Variants in CAST observed in about 807,000 individuals in gnomAD.
CAST encodes MIR583 host.
Under a neutral mutation model 119.6 loss-of-function variants are expected in CAST, and 76 were observed. The observed-to-expected ratio is 0.64, with a 90% confidence interval of 0.53 to 0.77. CAST has a LOEUF of 0.77. CAST is among the 30% of genes least tolerant of loss of function. The pLI is 0.00. For missense variants in CAST, 953 were observed against 946.5 expected, an observed-to-expected ratio of 1.01 and a Z score of -0.09; for synonymous variants, 319 against 331.6, an observed-to-expected ratio of 0.96 and a Z score of 0.41.
intron 19 of CAST, among the ~76,000 whole-genome samples, chr5:96,749,755 C>T (rs1422925193): frequency 6.6e-6 from 1 of 152,166 alleles, no homozygotes; most frequent in Non-Finnish European, 1.5e-5. Context: ...CCATGTTGCC[C>T]AGGCTGATTC....
At chr5:96,563,380 C>T in intron 1 of CAST, among the ~76,000 whole-genome samples, 1 of 152,068 alleles carries the variant, frequency 6.6e-6, no homozygotes, top group South Asian at 2.1e-4. Context: ...TATTTTTCTT[C>T]CCCTACATAT....
chr5:96,529,278 G>A (rs1745648362), upstream of CAST, among the ~76,000 whole-genome samples: 2 of 152,048 alleles, frequency 1.3e-5, no homozygotes, highest in Admixed American at 1.3e-4. Context: ...CCTATAGACT[G>A]TTAGGAGTCA....
chr5:96,330,668 G>A, the CAST span, among the ~76,000 whole-genome samples: 12 of 152,306 alleles, frequency 7.9e-5, no homozygotes, highest in Middle Eastern at 3.4e-3. Flanking sequence ...AGTGTCACGA[G>A]GAATTTTCCC....
At chr5:96,691,967 G>C (rs765019339) in intron 2 of CAST, among the ~76,000 whole-genome samples, 1 of 152,120 alleles carries the variant, frequency 6.6e-6, no homozygotes, top group Non-Finnish European at 1.5e-5. Context: ...AAATTTTAAA[G>C]ACTCGAGTTC....
upstream of CAST, among the ~76,000 whole-genome samples, chr5:96,522,962 A>G (rs977227983): frequency 2.6e-5 from 4 of 152,172 alleles, no homozygotes; most frequent in Non-Finnish European, 5.9e-5. Context: ...ACATATTTCA[A>G]AGTAATAAGT....
At chr5:96,415,473 A>G in the CAST span, among the ~76,000 whole-genome samples, 2 of 152,200 alleles carry the variant, frequency 1.3e-5, no homozygotes, top group Admixed American at 6.5e-5. Context: ...ATTCTTGTAA[A>G]TCGTTTCTTT....
chr5:96,772,865 T>C lies in CAST; in HGVS notation c.*249T>C, dbSNP rs1004813983. ...TTTGAATTTTTTTAATTGCCTTCAA[T>C]TGGGAGAGAAAGCTTTATATTTGTA... On this transcript the variant is annotated 3_prime_UTR_variant, in exon 32 of 32. Transcript: ENST00000675179. 6.5e-6 allele frequency: 1 copy of C among 153,316 alleles called. No homozygotes were observed. Among genetic ancestry groups the C allele is most frequent in the African/African-American group, 2.4e-5 (1 of 41,436 alleles). 9.5% of individuals were successfully genotyped at this position (153,316 alleles called of 1,614,324 possible).
the CAST span, among the ~76,000 whole-genome samples, chr5:96,218,967 T>G: frequency 5.3e-5 from 8 of 152,150 alleles, no homozygotes; most frequent in African/African-American, 1.9e-4. Flanking sequence ...CTCAGTTTCT[T>G]CAGGTGAAAA....
the CAST span, among the ~76,000 whole-genome samples, chr5:96,189,516 C>T: frequency 1.3e-5 from 2 of 152,268 alleles, no homozygotes; most frequent in East Asian, 3.9e-4. Flanking sequence ...AGTTTGATAG[C>T]TTATGTCTTC....
the CAST span, among the ~76,000 whole-genome samples, chr5:96,291,874 G>GTGTGTGTA: frequency 6.6e-6 from 1 of 151,586 alleles, no homozygotes; most frequent in African/African-American, 2.4e-5. Flanking sequence ...GTGTGTGTGT[G>GTGTGTGTA]TGTGTGTGTG....
chr5:96,136,299 T>G, the CAST span, among the ~76,000 whole-genome samples: 1 of 152,230 alleles, frequency 6.6e-6, no homozygotes, highest in African/African-American at 2.4e-5. Flanking sequence ...AAGAAATTTT[T>G]TCAGTTCGCT....
In CAST at chr5:96,684,708, G is replaced by A. The variant is rs186869317; in HGVS notation, c.138+9107G>A. ...CTCCCAAGTAGCTGGGACTACAGGTGTATGCCACCACGCCCAAATAACTTT... is the reference window on the plus strand; with the variant it reads ...CTCCCAAGTAGCTGGGACTACAGGTATATGCCACCACGCCCAAATAACTTT... On this transcript the variant is annotated intron_variant, in intron 2 of 31. Transcript: ENST00000675179. Among the ~76,000 whole-genome samples the A allele has an allele frequency of 3.8e-3, 573 of 152,040 alleles. 11 individuals are homozygous for A. Among genetic ancestry groups the A allele is most frequent in the South Asian group, 0.034 (163 of 4,818 alleles).
chr5:95,961,788 C>G, the CAST span: 9 of 1,489,084 alleles, frequency 6.0e-6, no homozygotes, highest in Non-Finnish European at 8.0e-6. Context: ...GCCGCGGCTG[C>G]TTGGGCTTCT....
the CAST span, among the ~76,000 whole-genome samples, chr5:96,381,135 G>A: frequency 6.6e-6 from 1 of 151,966 alleles, no homozygotes; most frequent in Non-Finnish European, 1.5e-5. Flanking sequence ...TCAGAATCCA[G>A]CATTCTTCTA....
rs1286414216 is a variant in CAST, at chr5:96,724,999, G to T, written c.271-1795G>T. The stretch of plus-strand genomic sequence containing the variant: ...CCTGTGCCTCAGCTCAAGGACCAAT[G>T]TTTATTTCAAGCGTGGCCTGTTACC... On this transcript the variant is annotated intron_variant, in intron 4 of 31. Coordinates refer to ENST00000675179, the MANE Select transcript of CAST (RefSeq NM_001750.7). Among the ~76,000 whole-genome samples, 3 of 152,114 alleles carry T rather than the reference G, an allele frequency of 2.0e-5. No homozygotes were observed. The East Asian group carries it at 5.8e-4, about 29-fold the overall frequency.
the CAST span, chr5:96,421,993 TAA>T: frequency 0.067 from 23,285 of 345,444 alleles, 277 homozygotes; most frequent in African/African-American, 0.14. Flanking sequence ...GTGGCAGCAT[TAA>T]AAAAAAAAAA....
intron 2 of CAST, among the ~76,000 whole-genome samples, chr5:96,688,173 A>G (rs1234258329): frequency 6.6e-6 from 1 of 152,220 alleles, no homozygotes; most frequent in Non-Finnish European, 1.5e-5. Flanking sequence ...GAATGAGTAC[A>G]TGTTAGGATG....
chr5:96,644,586 T>G (rs1747993647), intron 1 of CAST, among the ~76,000 whole-genome samples: 1 of 152,198 alleles, frequency 6.6e-6, no homozygotes. Flanking sequence ...CCACCTATAA[T>G]CCTCACTCAG....
At chr5:96,172,103 T>C in the CAST span, among the ~76,000 whole-genome samples, 1 of 152,166 alleles carries the variant, frequency 6.6e-6, no homozygotes, top group Non-Finnish European at 1.5e-5. Flanking sequence ...GGGGCTGTTT[T>C]ATAGGATTTG....
Sources: gnomAD v4.1 joint callset for allele counts (sites outside exome capture counted in the v4.1 genomes callset) on GRCh38, gnomAD v4.1.1 for gene constraint, MANE v1.5 for transcripts, NCBI Gene and HGNC (gene_info 2026-07-23, HGNC 2026-07-21) for gene names.